TRPM3: variants seen among roughly 807,000 people sequenced by gnomAD.
The protein encoded by TRPM3 is transient receptor potential cation channel subfamily M member 3.
TRPM3 carries 77 observed loss-of-function variants against 181.2 expected under a neutral mutation model. That is an observed-to-expected ratio of 0.42 (90% CI 0.35 to 0.51). TRPM3 has a LOEUF of 0.51. Ranked by LOEUF, TRPM3 falls within the 20% of genes least tolerant of loss-of-function variation. The pLI, the probability that TRPM3 is intolerant of heterozygous loss-of-function variation, is 0.01. For missense variants in TRPM3, 1,759 were observed against 2,196.7 expected (o/e 0.80, Z 3.98); for synonymous variants, 745 against 796.4 (o/e 0.94, Z 1.09).
chr9:70,661,418 A>G (rs2061120688), intron 9 of TRPM3, among the ~76,000 whole-genome samples: 1 of 152,170 alleles, frequency 6.6e-6, no homozygotes, highest in African/African-American at 2.4e-5. Flanking sequence ...TATTCAACTT[A>G]GTACTGGAAG....
intron 21 of TRPM3, among the ~76,000 whole-genome samples, chr9:70,592,330 T>C (rs774219862): frequency 7.2e-5 from 11 of 152,190 alleles, no homozygotes; most frequent in Admixed American, 1.3e-4. Flanking sequence ...CTTTGTTTTG[T>C]TTTTAACTAA....
At chr9:71,410,836 C>T (rs12336553) in intron 1 of TRPM3, among the ~76,000 whole-genome samples, 3,739 of 152,256 alleles carry the variant, frequency 0.025, 91 homozygotes, top group African/African-American at 0.06. Flanking sequence ...TCCTGATGAA[C>T]ATTGACGCAA....
At chr9:71,446,896 C>T (rs993515878), upstream of TRPM3, 4 of 1,432,884 alleles carry the variant, frequency 2.8e-6, no homozygotes, top group Admixed American at 2.4e-5. Context: ...GCTGGCTCCT[C>T]GCCGCGGGTC....
chr9:71,416,790 A>G (rs1258379781), intron 1 of TRPM3, among the ~76,000 whole-genome samples: 1 of 151,998 alleles, frequency 6.6e-6, no homozygotes, highest in Non-Finnish European at 1.5e-5. Flanking sequence ...CATAAGATAC[A>G]GAAAGTTTTT....
chr9:71,214,336 G>T (rs941845906), intron 1 of TRPM3, among the ~76,000 whole-genome samples: 4 of 152,126 alleles, frequency 2.6e-5, no homozygotes, highest in Non-Finnish European at 4.4e-5. Flanking sequence ...GAACAGTTTG[G>T]AAGTTTCTTT....
chr9:70,552,160 T>C lies in TRPM3; in HGVS notation c.3574+684A>G, dbSNP rs151226670. 2.8e-4 allele frequency among the ~76,000 whole-genome samples: 43 copies of C among 152,290 alleles called. No homozygotes were observed. In the Middle Eastern group the frequency reaches 0.01, roughly 36 times the overall value. Reference sequence around the variant, plus strand: ...GGATTGGATTCCCAGTGGTTCTTAATGGAGCGTGGTACCCAAAGGGTATTT... The same window carrying C: ...GGATTGGATTCCCAGTGGTTCTTAACGGAGCGTGGTACCCAAAGGGTATTT... On this transcript the variant is annotated intron_variant, in intron 24 of 25. Coordinates refer to ENST00000677713, the MANE Select transcript of TRPM3 (RefSeq NM_001366145.2).
At chr9:71,230,298 G>A (rs901258304) in intron 1 of TRPM3, among the ~76,000 whole-genome samples, 1 of 151,850 alleles carries the variant, frequency 6.6e-6, no homozygotes, top group African/African-American at 2.4e-5. Flanking sequence ...AGAGCAGAAG[G>A]ATGATTACCA....
intron 1 of TRPM3, among the ~76,000 whole-genome samples, chr9:71,224,911 CAA>C (rs1203571332): frequency 2.6e-5 from 4 of 151,810 alleles, no homozygotes; most frequent in African/African-American, 9.7e-5. Context: ...TCTGAAAATA[CAA>C]AGTCAGAGGA....
At position 70,850,637 on chromosome 9, in the gene TRPM3, G is replaced by C. The variant is rs1166418400; in HGVS notation, c.463-4046C>G. 6.6e-5 allele frequency among the ~76,000 whole-genome samples: 10 copies of C among 152,242 alleles called. No individual in the cohort carries two copies. In the East Asian group the frequency reaches 1.9e-3, roughly 29 times the overall value. On this transcript the variant is annotated intron_variant, in intron 3 of 25. Coordinates refer to ENST00000677713, the MANE Select transcript of TRPM3 (RefSeq NM_001366145.2). ...AAGATGAAATAATAACATTTTTTCT[G>C]TGCCTGTACACTGCTACTTGAGTAG...
intron 1 of TRPM3, among the ~76,000 whole-genome samples, chr9:71,377,592 G>A (rs1252494372): frequency 6.6e-6 from 1 of 151,842 alleles, no homozygotes; most frequent in South Asian, 2.1e-4. Context: ...CTCCAGGTGT[G>A]GCTAGTCTGT....
At chr9:70,994,578 G>A (rs1367056410) in intron 1 of TRPM3, among the ~76,000 whole-genome samples, 1 of 151,830 alleles carries the variant, frequency 6.6e-6, no homozygotes, top group Non-Finnish European at 1.5e-5. Context: ...CTGCTCCATG[G>A]CAGGGAAGTA....
intron 1 of TRPM3, among the ~76,000 whole-genome samples, chr9:71,277,319 G>A (rs972206479): frequency 2.6e-5 from 4 of 152,108 alleles, no homozygotes; most frequent in African/African-American, 9.7e-5. Flanking sequence ...TTGTTTTCCT[G>A]AGTAACGTGT....
intron 1 of TRPM3, among the ~76,000 whole-genome samples, chr9:71,225,039 A>G (rs1156499234): frequency 6.6e-6 from 1 of 152,172 alleles, no homozygotes; most frequent in African/African-American, 2.4e-5. Context: ...TAGAATGTTT[A>G]TGTAAAGGGA....
chr9:71,425,799 C>T (rs1422017431), intron 1 of TRPM3, among the ~76,000 whole-genome samples: 1 of 152,122 alleles, frequency 6.6e-6, no homozygotes, highest in African/African-American at 2.4e-5. Context: ...AATCTGGCCC[C>T]ATGTTTCTCC....
At chr9:71,327,788 A>C (rs886651083) in intron 1 of TRPM3, among the ~76,000 whole-genome samples, 1 of 152,194 alleles carries the variant, frequency 6.6e-6, no homozygotes, top group African/African-American at 2.4e-5. Context: ...TCTTCCTGAG[A>C]GGTTCTATCA....
At chr9:70,661,608 A>G (rs2061148249) in intron 9 of TRPM3, among the ~76,000 whole-genome samples, 1 of 152,166 alleles carries the variant, frequency 6.6e-6, no homozygotes, top group African/African-American at 2.4e-5. Flanking sequence ...ATACAAAATC[A>G]ATGTACAAAA....
intron 6 of TRPM3, among the ~76,000 whole-genome samples, chr9:70,822,009 T>C (rs531835698): frequency 2.6e-5 from 4 of 152,376 alleles, no homozygotes; most frequent in South Asian, 2.1e-4. Context: ...CTGACTGTAG[T>C]TGTTTTCTGT....
At chr9:70,606,631 G>GTC (rs1368184230) in intron 19 of TRPM3, among the ~76,000 whole-genome samples, 1 of 54,426 alleles carries the variant, frequency 1.8e-5, no homozygotes, top group African/African-American at 4.9e-5. Context: ...TGCTTTAATT[G>GTC]TGTGTGTGTG....
intron 1 of TRPM3, among the ~76,000 whole-genome samples, chr9:70,957,906 A>G (rs1200184768): frequency 6.6e-6 from 1 of 152,212 alleles, no homozygotes; most frequent in Non-Finnish European, 1.5e-5. Flanking sequence ...ACAAACAAAC[A>G]AAAACAAAAA....
Sources: gnomAD v4.1 joint callset for allele counts (sites outside exome capture counted in the v4.1 genomes callset) on GRCh38, gnomAD v4.1.1 for gene constraint, MANE v1.5 for transcripts, NCBI Gene and HGNC (gene_info 2026-07-23, HGNC 2026-07-21) for gene names.